The following ABAT variants were observed in gnomAD, a reference collection of about 807,000 sequenced individuals.
The protein encoded by ABAT is 4-aminobutyrate aminotransferase.
A neutral mutation model predicts 64.6 loss-of-function variants in ABAT; 45 were observed. That is an observed-to-expected ratio of 0.70 (90% confidence interval 0.55 to 0.89). ABAT has a LOEUF of 0.89. Among genes scored for constraint, ABAT ranks in the 40% least tolerant of loss-of-function variants. ABAT has a pLI of 0.00. For missense variants in ABAT, 633 were observed against 658.4 expected, an observed-to-expected ratio of 0.96 and a Z score of 0.42; for synonymous variants, 297 against 250.5, an observed-to-expected ratio of 1.19 and a Z score of -1.75.
At chr16:8,709,427 G>A (rs1300437718) in intron 1 of ABAT, among the ~76,000 whole-genome samples, 6 of 151,746 alleles carry the variant, frequency 4.0e-5, no homozygotes, top group African/African-American at 1.5e-4. Context: ...AGGCTGGACT[G>A]CAGTAGCACT....
intron 1 of ABAT, among the ~76,000 whole-genome samples, chr16:8,722,154 A>G (rs2058390454): frequency 6.6e-6 from 1 of 152,246 alleles, no homozygotes; most frequent in Non-Finnish European, 1.5e-5. Context: ...CTCTAGGGAA[A>G]GGAGGGGGCC....
At chr16:8,682,788 G>C (rs548455783) in intron 1 of ABAT, among the ~76,000 whole-genome samples, 1 of 152,340 alleles carries the variant, frequency 6.6e-6, no homozygotes, top group South Asian at 2.1e-4. Flanking sequence ...ACTACTGAAA[G>C]TGTGGTCCAG....
In ABAT at chr16:8,733,106, G is replaced by A. The variant is rs1194090761; in HGVS notation, c.-41-2593G>A. On this transcript the variant is annotated intron_variant, in intron 1 of 15. Transcript: ENST00000268251. The stretch of plus-strand genomic sequence containing the variant: ...CCCCCACCTCCCTCCCGGATGGGGC[G>A]GCTGGCCGGGCGGGGGGCTGACCCC... 2.6e-3 allele frequency among the ~76,000 whole-genome samples: 382 copies of A among 148,878 alleles called. 17 individuals carry two copies. Among genetic ancestry groups the A allele is most frequent in the African/African-American group, 8.8e-3 (349 of 39,576 alleles).
chr16:8,699,342 G>A (rs997596264), intron 1 of ABAT, among the ~76,000 whole-genome samples: 11 of 151,488 alleles, frequency 7.3e-5, no homozygotes, highest in East Asian at 2.0e-4. Context: ...AAAGGGCCTC[G>A]GATCACCTAA....
intron 8 of ABAT, 68 bp from the exon 9 acceptor site, chr16:8,766,140 G>C (rs12448959): frequency 0.057 from 83,249 of 1,448,962 alleles, 2,778 homozygotes; most frequent in Middle Eastern, 0.11. Context: ...ATATCGGTTT[G>C]GTTGGAAAGA....
chr16:8,714,560 C>T (rs1011117916), intron 1 of ABAT: 1 of 152,286 alleles, frequency 6.6e-6, no homozygotes, highest in Non-Finnish European at 1.5e-5. Flanking sequence ...CAGAAGAAAG[C>T]AATTTTAGAA....
intron 1 of ABAT, among the ~76,000 whole-genome samples, chr16:8,709,199 C>A (rs1199760327): frequency 6.6e-6 from 1 of 151,642 alleles, no homozygotes. Flanking sequence ...ACATTAATTT[C>A]TTTATTTTCA....
chr16:8,745,708 G>T (rs1006126063), intron 2 of ABAT, among the ~76,000 whole-genome samples: 5 of 151,830 alleles, frequency 3.3e-5, no homozygotes, highest in African/African-American at 1.2e-4. Flanking sequence ...AAAAAAAAAT[G>T]AATAAATAAA....
At position 8,773,105 on chromosome 16, in the gene ABAT, T is replaced by TACACACACACACACACACACAC. The variant is rs35248639; in HGVS notation, c.954+210_954+231dup. Among the ~76,000 whole-genome samples the TACACACACACACACACACACAC allele has an allele frequency of 8.3e-5, 9 of 109,030 alleles. No homozygotes were observed. The East Asian group carries it at 1.5e-3, about 19-fold the overall frequency. 71.5% of individuals were successfully genotyped at this position (109,030 alleles called of 152,430 possible). On this transcript the variant is annotated intron_variant, in intron 12 of 15. Transcript: ENST00000268251. ...GAATGGGGATTCTTCCCTAAAACTA[T>TACACACACACACACACACACAC]ACACACACACACACACACACACACA... is the stretch of plus-strand genomic sequence containing the variant.
rs1204824310 is a variant in ABAT at position 8,738,622 on chromosome 16, G to GT, written c.70+2818dup. 8.2e-4 allele frequency among the ~76,000 whole-genome samples: 91 copies of GT among 111,424 alleles called. 3 individuals carry two copies. The highest frequency in any genetic ancestry group is 3.6e-3 in the African/African-American group (79 of 21,958). The allele number at this position is 111,424 out of a possible 152,430, so 73.1% of individuals were successfully genotyped here. A position where few individuals can be genotyped will look rare whatever the true frequency, so the allele number is the denominator to read the frequency against. On this transcript the variant is annotated intron_variant, in intron 2 of 15. Coordinates refer to ENST00000268251, the MANE Select transcript of ABAT (RefSeq NM_020686.6). ...CTTTTTTGTTTTTGTTTTTGTTTTT[G>GT]TTTTTGTTTTTTTTTTGGTGTGTGT...
chr16:8,699,090 C>T (rs532794280), intron 1 of ABAT, among the ~76,000 whole-genome samples: 1 of 152,256 alleles, frequency 6.6e-6, no homozygotes, highest in South Asian at 2.1e-4. Flanking sequence ...CTGTGTCTAA[C>T]TTTTTGAGGA....
chr16:8,733,062 GCCGGGCGGGGGGCTGA>G (rs1596436678), intron 1 of ABAT, among the ~76,000 whole-genome samples: 1 of 146,792 alleles, frequency 6.8e-6, no homozygotes, highest in East Asian at 2.0e-4. Context: ...GGGGCGGCTG[GCCGGGCGGGGGGCTGA>G]CCCCCCCACC....
At chr16:8,680,287 T>G (rs1312993546) in intron 1 of ABAT, among the ~76,000 whole-genome samples, 3 of 152,242 alleles carry the variant, frequency 2.0e-5, no homozygotes, top group Non-Finnish European at 4.4e-5. Flanking sequence ...CATTTATTCT[T>G]GTGTCTTAAA....
rs369829214 is a variant in ABAT, at chr16:8,774,860, A to G, written c.955-30A>G. ...AATTTCTGGCCTCCCACGGGTGTTT[A>G]TTTCTCCCTCCTCTCTCTTCTCCGG... On this transcript the variant is annotated intron_variant, in intron 12 of 15. Transcript: ENST00000268251. 2.5e-6 allele frequency: 4 copies of G among 1,611,840 alleles called. No homozygotes were observed. The African/African-American group carries it at 5.4e-5, about 22-fold the overall frequency.
At chr16:8,678,163 C>G (rs777959315) in intron 1 of ABAT, among the ~76,000 whole-genome samples, 52 of 152,168 alleles carry the variant, frequency 3.4e-4, no homozygotes, top group Admixed American at 7.9e-4. Context: ...AGCTGTGGAG[C>G]CTTCCAATAT....
intron 5 of ABAT, among the ~76,000 whole-genome samples, chr16:8,750,782 T>G (rs1205036901): frequency 6.6e-6 from 1 of 152,118 alleles, no homozygotes; most frequent in African/African-American, 2.4e-5. Flanking sequence ...ATATCCCCAT[T>G]TTGCAGATAG....
intron 1 of ABAT, among the ~76,000 whole-genome samples, chr16:8,685,990 G>A (rs1216461240): frequency 6.6e-6 from 1 of 152,202 alleles, no homozygotes; most frequent in Non-Finnish European, 1.5e-5. Context: ...GATTTCCTTA[G>A]GGAAACAGCC....
At position 8,776,508 on chromosome 16, in the gene ABAT, G is replaced by GCCC; in HGVS notation, c.1269+20_1269+22dup. The stretch of plus-strand genomic sequence containing the variant: ...ACCTCCAGGTAACACCCCCTCCCCT[G>GCCC]CCCCGCCCCCACCACCCATGGCTCC... On this transcript the variant is annotated intron_variant, in intron 14 of 15. Transcript: ENST00000268251. The surrounding 1 kb of genome is among the most constrained non-coding windows in gnomAD (Gnocchi z 4.4). 6.3e-7 allele frequency: 1 copy of GCCC among 1,580,264 alleles called. No individual in the cohort carries two copies. Among genetic ancestry groups the GCCC allele is most frequent in the Non-Finnish European group, 8.6e-7 (1 of 1,163,574 alleles).
chr16:8,745,459 G>C (rs545414646), intron 2 of ABAT, among the ~76,000 whole-genome samples: 1 of 152,206 alleles, frequency 6.6e-6, no homozygotes, highest in South Asian at 2.1e-4. Context: ...CACTTTGGGA[G>C]GTCAAGGCAG....
Sources: gnomAD v4.1 joint callset for allele counts (sites outside exome capture counted in the v4.1 genomes callset) on GRCh38, gnomAD v4.1.1 for gene constraint, Gnocchi (gnomAD v3.1) non-coding constraint, MANE v1.5 for transcripts, NCBI Gene and HGNC (gene_info 2026-07-23, HGNC 2026-07-21) for gene names.